Variants in EDAR observed in about 807,000 individuals in gnomAD.
The protein encoded by EDAR is tumor necrosis factor receptor superfamily member EDAR.
EDAR carries 38 observed loss-of-function variants against 51.3 expected under a neutral mutation model. That is an observed-to-expected ratio of 0.74 (90% confidence interval 0.57 to 0.97). The LOEUF is 0.97. EDAR is among the 50% of genes least tolerant of loss of function. The pLI is 0.00. For synonymous variants in EDAR, 227 were observed against 242.1 expected, an observed-to-expected ratio of 0.94 and a Z score of 0.58; for missense variants, 528 against 595.0, an observed-to-expected ratio of 0.89 and a Z score of 1.17.
chr2:108,983,929 G>T (rs576595040), intron 1 of EDAR, among the ~76,000 whole-genome samples: 9 of 152,358 alleles, frequency 5.9e-5, no homozygotes, highest in African/African-American at 1.9e-4. Context: ...TGAGGAGGAA[G>T]CGAGTGCAGC....
chr2:108,967,870 C>G (rs1183590302), intron 1 of EDAR, among the ~76,000 whole-genome samples: 1 of 152,102 alleles, frequency 6.6e-6, no homozygotes, highest in Non-Finnish European at 1.5e-5. Context: ...GCAGTGACTT[C>G]ACAGAAACAA....
rs1281417985 is a variant in EDAR at position 108,896,695 on chromosome 2, C to T, written c.*212G>A. 1.0e-5 allele frequency: 6 copies of T among 590,158 alleles called. No individual in the cohort carries two copies. The highest frequency in any genetic ancestry group is 8.9e-5 in the Admixed American group (3 of 33,602). 36.6% of individuals were successfully genotyped at this position (590,158 alleles called of 1,614,324 possible). On this transcript the variant is annotated 3_prime_UTR_variant, in exon 12 of 12. Transcript: ENST00000258443. The stretch of plus-strand genomic sequence containing the variant: ...TTTACTCTGCCTGGTGAGGTACAGG[C>T]GAGCATCTGAAAGTATCCCGGCTCT...
chr2:108,935,843 C>T (rs1346603565), intron 1 of EDAR, among the ~76,000 whole-genome samples: 1 of 152,226 alleles, frequency 6.6e-6, no homozygotes, highest in Admixed American at 6.5e-5. Context: ...TGGAAGACAT[C>T]ATTATATACA....
chr2:108,916,415 C>G (rs775740794), intron 5 of EDAR, among the ~76,000 whole-genome samples: 6 of 152,138 alleles, frequency 3.9e-5, no homozygotes, highest in Non-Finnish European at 7.3e-5. Context: ...CTAGAGAGCA[C>G]ACAGACTTGT....
At chr2:108,920,368 G>T (rs72937951) in intron 5 of EDAR, among the ~76,000 whole-genome samples, 1 of 152,150 alleles carries the variant, frequency 6.6e-6, no homozygotes, top group Admixed American at 6.5e-5. Context: ...CTCTGTTACG[G>T]CAGGGCAACG....
At chr2:108,929,100 C>A (rs1392360082) in intron 4 of EDAR, 98 bp downstream of exon 4, 18 of 1,388,474 alleles carry the variant, frequency 1.3e-5, no homozygotes, top group Admixed American at 1.8e-5. Flanking sequence ...CCGAGGCCTG[C>A]AGTATCCATG....
chr2:108,920,839 A>G (rs920404231), intron 5 of EDAR, among the ~76,000 whole-genome samples: 3 of 152,112 alleles, frequency 2.0e-5, no homozygotes, highest in African/African-American at 7.2e-5. Flanking sequence ...GGTGGGCAAA[A>G]TTGCGCCTGA....
At chr2:108,904,372 A>G (rs62151084) in intron 11 of EDAR, among the ~76,000 whole-genome samples, 2,228 of 152,328 alleles carry the variant, frequency 0.015, 37 homozygotes, top group Non-Finnish European at 0.021. Context: ...GGAATGTAAA[A>G]TGGTACAATA....
chr2:108,900,366 G>T (rs1696676131), intron 11 of EDAR, among the ~76,000 whole-genome samples: 1 of 152,254 alleles, frequency 6.6e-6, no homozygotes, highest in African/African-American at 2.4e-5. Context: ...GACCAGCCTG[G>T]TCAACACGGT....
At chr2:108,976,101 T>C (rs1241789129) in intron 1 of EDAR, among the ~76,000 whole-genome samples, 2 of 152,224 alleles carry the variant, frequency 1.3e-5, no homozygotes, top group Non-Finnish European at 2.9e-5. Flanking sequence ...CATCTTCAGA[T>C]GTCCTTAGTT....
chr2:108,938,212 G>A (rs182910951), intron 1 of EDAR, among the ~76,000 whole-genome samples: 54 of 152,218 alleles, frequency 3.5e-4, no homozygotes, highest in African/African-American at 1.3e-3. Flanking sequence ...AACTTTTTCC[G>A]CTAGTCTTTA....
chr2:108,952,574 T>G (rs1403569669), intron 1 of EDAR, among the ~76,000 whole-genome samples: 6 of 152,236 alleles, frequency 3.9e-5, no homozygotes, highest in Non-Finnish European at 7.3e-5. Flanking sequence ...AAAAAATACT[T>G]TCACTTGCTC....
intron 1 of EDAR, among the ~76,000 whole-genome samples, chr2:108,936,375 G>C (rs1200526151): frequency 6.6e-6 from 1 of 152,370 alleles, no homozygotes; most frequent in East Asian, 1.9e-4. Context: ...GGAGGGGAGA[G>C]GCTGTGGCTG....
intron 1 of EDAR, among the ~76,000 whole-genome samples, chr2:108,982,366 G>T (rs1419165746): frequency 6.6e-6 from 1 of 152,220 alleles, no homozygotes; most frequent in Non-Finnish European, 1.5e-5. Flanking sequence ...GCCACCAAAG[G>T]CCTCCATCTC....
intron 1 of EDAR, among the ~76,000 whole-genome samples, chr2:108,975,149 G>C (rs1306864695): frequency 1.3e-5 from 2 of 152,218 alleles, no homozygotes; most frequent in East Asian, 3.9e-4. Context: ...AGGGTCCAAA[G>C]GGGAGCAAAT....
intron 1 of EDAR, among the ~76,000 whole-genome samples, chr2:108,971,073 C>T (rs1698224038): frequency 6.6e-6 from 1 of 152,040 alleles, no homozygotes; most frequent in Non-Finnish European, 1.5e-5. Flanking sequence ...CCGGCGAGAC[C>T]GTGCTCACTG....
chr2:108,981,635 C>T (rs763035028), intron 1 of EDAR, among the ~76,000 whole-genome samples: 4 of 152,132 alleles, frequency 2.6e-5, no homozygotes, highest in South Asian at 2.1e-4. Flanking sequence ...GACCTCTGCT[C>T]GATATATACT....
intron 5 of EDAR, among the ~76,000 whole-genome samples, chr2:108,913,396 A>G (rs543906098): frequency 6.6e-6 from 1 of 152,338 alleles, no homozygotes; most frequent in Non-Finnish European, 1.5e-5. Flanking sequence ...AGCAACATAG[A>G]GTGTGTACAT....
intron 1 of EDAR, among the ~76,000 whole-genome samples, chr2:108,932,041 G>C (rs557828171): frequency 6.6e-6 from 1 of 152,006 alleles, no homozygotes; most frequent in African/African-American, 2.4e-5. Flanking sequence ...GAATTCTCTC[G>C]TCCTTAGCAA....
Sources: allele counts gnomAD v4.1 joint callset (sites outside exome capture counted in the v4.1 genomes callset), GRCh38; gene constraint gnomAD v4.1.1; transcripts MANE v1.5; gene names NCBI Gene and HGNC (gene_info 2026-07-23, HGNC 2026-07-21).